Variants in TWIST2 observed in about 807,000 individuals in gnomAD.
The protein encoded by TWIST2 is twist-related protein 2.
A neutral mutation model predicts 11.6 loss-of-function variants in TWIST2; 1 was observed. The observed-to-expected ratio is 0.09, with a 90% confidence interval of 0.03 to 0.41. The LOEUF is 0.41. Ranked by LOEUF, TWIST2 falls within the 10% of genes least tolerant of loss-of-function variation. The probability of loss-of-function intolerance (pLI) is 0.98; values close to 1 mark genes in which losing one functional copy is unlikely to be tolerated. For synonymous variants in TWIST2, 87 were observed against 96.6 expected (o/e 0.90, Z 0.58); for missense variants, 168 against 226.4 (o/e 0.74, Z 1.66).
chr2:238,908,185 A>C, intron 1 of TWIST2, among the ~76,000 whole-genome samples: 1 of 151,196 alleles, frequency 6.6e-6, no homozygotes, highest in East Asian at 1.9e-4. Flanking sequence ...CCCACACCAC[A>C]CACACATACA....
Position 238,848,093 on chromosome 2 carries a change from C to T in TWIST2, c.-123C>T, listed in dbSNP as rs1033287091. 5.0e-6 allele frequency: 4 copies of T among 804,512 alleles called. No individual in the cohort carries two copies. The highest frequency in any genetic ancestry group is 6.3e-6 in the Non-Finnish European group (4 of 630,156). The allele number at this position is 804,512 out of a possible 1,614,324, so 49.8% of individuals were successfully genotyped here. On this transcript the variant is annotated 5_prime_UTR_variant, in exon 1 of 2. Transcript: ENST00000612363. ...CCGGAGACCTCGGTTTTGCACAAGC[C>T]GGCCTTGAAATCAGAGCCTTTCCAG...
intron 1 of TWIST2, among the ~76,000 whole-genome samples, chr2:238,907,971 T>C (rs2106376633): frequency 7.5e-6 from 1 of 134,054 alleles, no homozygotes; most frequent in Non-Finnish European, 1.6e-5. Context: ...TACCACACAC[T>C]ACACACACAC....
intron 1 of TWIST2, among the ~76,000 whole-genome samples, chr2:238,868,487 C>T (rs1692584745): frequency 6.6e-6 from 1 of 152,124 alleles, no homozygotes; most frequent in African/African-American, 2.4e-5. Flanking sequence ...CAGGCAGACT[C>T]AAGGGGTATG....
Position 238,867,265 on chromosome 2 carries a change from G to C in TWIST2, c.*35+18532G>C, listed in dbSNP as rs1692556886. On this transcript the variant is annotated intron_variant, in intron 1 of 1. Coordinates refer to ENST00000612363, the MANE Select transcript of TWIST2 (RefSeq NM_001271893.4). This position sits in a 1 kb window ranked among gnomAD's most constrained non-coding sequence, Gnocchi z 4.8. ...AAAGAGGGAGAGGGAGGCAGGGAGG[G>C]AGGGGGAAGCCACTGTACAGCCTAG... 6.6e-6 allele frequency among the ~76,000 whole-genome samples: 1 copy of C among 152,056 alleles called. No homozygotes were observed. Among genetic ancestry groups the C allele is most frequent in the Admixed American group, 6.6e-5 (1 of 15,266 alleles).
chr2:238,902,268 G>A (rs1276187335), intron 1 of TWIST2, among the ~76,000 whole-genome samples: 1 of 151,358 alleles, frequency 6.6e-6, no homozygotes, highest in Non-Finnish European at 1.5e-5. Flanking sequence ...TATGAATTGG[G>A]GTGTGTGTGA....
chr2:238,861,532 G>GC (rs1296969588), intron 1 of TWIST2, among the ~76,000 whole-genome samples: 5 of 152,096 alleles, frequency 3.3e-5, no homozygotes, highest in African/African-American at 4.8e-5. Context: ...ACCCTTAGGC[G>GC]CCCGGTGGGG....
chr2:238,892,066 C>T lies in TWIST2; in HGVS notation c.*36-17776C>T, dbSNP rs35291227. Among the ~76,000 whole-genome samples, 87 of 152,170 alleles carry T rather than the reference C, an allele frequency of 5.7e-4. 1 individual carries two copies. Among genetic ancestry groups the T allele is most frequent in the African/African-American group, 2.0e-3 (85 of 41,482 alleles). On this transcript the variant is annotated intron_variant, in intron 1 of 1. Transcript: ENST00000612363. ...CGGGTGCTGTGTTCTCTGTTATGTG[C>T]CGGTGTGTGGACTGGAACCCGCCTG...
intron 1 of TWIST2, among the ~76,000 whole-genome samples, chr2:238,897,917 A>G (rs1693224307): frequency 6.6e-6 from 1 of 152,200 alleles, no homozygotes; most frequent in East Asian, 1.9e-4. Context: ...GAGAGTCTCC[A>G]TGGGGCCTGC....
At chr2:238,907,764 CACAA>C (rs1693378456) in intron 1 of TWIST2, among the ~76,000 whole-genome samples, 1 of 151,468 alleles carries the variant, frequency 6.6e-6, no homozygotes, top group African/African-American at 2.4e-5. Context: ...CACAAAAACA[CACAA>C]ACACTCCACA....
At chr2:238,903,201 G>C (rs1474331186) in intron 1 of TWIST2, among the ~76,000 whole-genome samples, 1 of 144,884 alleles carries the variant, frequency 6.9e-6, no homozygotes, top group Admixed American at 6.8e-5. Context: ...GTGTGATGTG[G>C]GGTATGTGAT....
At chr2:238,897,344 A>G (rs1290704464) in intron 1 of TWIST2, among the ~76,000 whole-genome samples, 1 of 152,034 alleles carries the variant, frequency 6.6e-6, no homozygotes, top group African/African-American at 2.4e-5. Context: ...CCAAGCTTCC[A>G]GGGCTGGGGG....
At chr2:238,904,448 A>G (rs974332280) in intron 1 of TWIST2, among the ~76,000 whole-genome samples, 3 of 147,540 alleles carry the variant, frequency 2.0e-5, no homozygotes, top group Admixed American at 6.7e-5. Flanking sequence ...GATGTGGGGT[A>G]TGTGTGGGAT....
chr2:238,868,317 G>C (rs1430467544), intron 1 of TWIST2, among the ~76,000 whole-genome samples: 1 of 152,164 alleles, frequency 6.6e-6, no homozygotes, highest in Non-Finnish European at 1.5e-5. Context: ...CAAGTGCCGG[G>C]AGCCCCCCGC....
chr2:238,889,725 G>T (rs1693099124), intron 1 of TWIST2, among the ~76,000 whole-genome samples: 1 of 152,196 alleles, frequency 6.6e-6, no homozygotes, highest in South Asian at 2.1e-4. Flanking sequence ...ACCCCTCACA[G>T]GCTGGTGGCC....
intron 1 of TWIST2, among the ~76,000 whole-genome samples, chr2:238,899,319 C>A (rs1368815544): frequency 6.6e-6 from 1 of 152,250 alleles, no homozygotes; most frequent in Non-Finnish European, 1.5e-5. Flanking sequence ...AAAACAGCTC[C>A]TTGCTCTCTT....
At chr2:238,878,148 C>T (rs551018120) in intron 1 of TWIST2, among the ~76,000 whole-genome samples, 1 of 152,284 alleles carries the variant, frequency 6.6e-6, no homozygotes, top group East Asian at 1.9e-4. Context: ...GGCTGATGTT[C>T]TCTGTTAGTT....
rs940639402 is a variant in TWIST2 at position 238,894,128 on chromosome 2, G to T, written c.*36-15714G>T. ...TAGCAAAGCAAGCATCTCAACCTCT[G>T]TGCCGATTCCTCCTCTCTCCAAGGG... On this transcript the variant is annotated intron_variant, in intron 1 of 1. Coordinates refer to ENST00000612363, the MANE Select transcript of TWIST2 (RefSeq NM_001271893.4). Among the ~76,000 whole-genome samples the T allele has an allele frequency of 3.3e-5, 5 of 152,306 alleles. No individual in the cohort carries two copies. In the South Asian group the frequency reaches 8.3e-4, roughly 25 times the overall value.
At chr2:238,859,306 T>C (rs1692386674) in intron 1 of TWIST2, among the ~76,000 whole-genome samples, 2 of 151,960 alleles carry the variant, frequency 1.3e-5, no homozygotes, top group South Asian at 4.2e-4. Flanking sequence ...CTACATATTG[T>C]GATATTTGGG....
chr2:238,877,058 G>A (rs1293887175), intron 1 of TWIST2, among the ~76,000 whole-genome samples: 7 of 152,084 alleles, frequency 4.6e-5, no homozygotes, highest in Admixed American at 1.3e-4. Context: ...TTAGCTGGGC[G>A]TGGTGGCGCT....
Sources: gnomAD v4.1 joint callset for allele counts (sites outside exome capture counted in the v4.1 genomes callset) on GRCh38, gnomAD v4.1.1 for gene constraint, Gnocchi (gnomAD v3.1) non-coding constraint, MANE v1.5 for transcripts, NCBI Gene and HGNC (gene_info 2026-07-23, HGNC 2026-07-21) for gene names.